The following FHL1 variants were observed in gnomAD, a reference collection of about 807,000 sequenced individuals.
FHL1 encodes the protein four and a half LIM domains protein 1.
In FHL1, 1 loss-of-function variant was observed where a neutral mutation model predicts 20.3. The ratio of observed to expected loss-of-function variants is 0.05; its 90% CI spans 0.02 to 0.23. The LOEUF (loss-of-function observed/expected upper bound fraction) is 0.23, where lower values mean the gene tolerates loss of function less well. FHL1 is among the 10% of genes least tolerant of loss of function. The probability of loss-of-function intolerance (pLI) is 1.00; values close to 1 mark genes in which losing one functional copy is unlikely to be tolerated. For synonymous variants in FHL1, 82 were observed against 88.9 expected, an observed-to-expected ratio of 0.92 and a Z score of 0.44; for missense variants, 177 against 234.0, an observed-to-expected ratio of 0.76 and a Z score of 1.59.
chrX:136,206,698 C>A, intron 2 of FHL1, 110 bp downstream of exon 2: 2 of 1,008,228 alleles, frequency 2.0e-6, no homozygotes, highest in Non-Finnish European at 2.8e-6. Context: ...ATCACTGCAG[C>A]CACCTTGAGG....
At chrX:136,174,615 G>A (rs2072954013) in intron 2 of FHL1, among the ~76,000 whole-genome samples, 1 of 111,933 alleles carries the variant, frequency 8.9e-6, no homozygotes, top group South Asian at 3.7e-4. Context: ...AAAGAGATAC[G>A]AACCAGGGTA....
At chrX:136,175,586 G>C (rs1358083329) in intron 2 of FHL1, among the ~76,000 whole-genome samples, 1 of 112,526 alleles carries the variant, frequency 8.9e-6, no homozygotes, top group Non-Finnish European at 1.9e-5. Context: ...GAAAAAAATA[G>C]TTCATTTATT....
rs370017771 is a variant in FHL1, at chrX:136,210,041, T to G, written c.*16T>G. 6 of 1,211,390 alleles carry G rather than the reference T, an allele frequency of 5.0e-6. No individual in the cohort carries two copies. Among genetic ancestry groups the G allele is most frequent in the Non-Finnish European group, 6.7e-6 (6 of 895,384 alleles). ...AAAGCTGTAAACTGACAGGGGCTCC[T>G]GTCCTGTAAAATGGCATTTGAATCT... On this transcript the variant is annotated 3_prime_UTR_variant, in exon 6 of 6. Coordinates refer to ENST00000370683, the MANE Select transcript of FHL1 (RefSeq NM_001159699.2).
chrX:136,200,495 G>A (rs2073681039), intron 1 of FHL1, among the ~76,000 whole-genome samples: 1 of 112,017 alleles, frequency 8.9e-6, no homozygotes, highest in African/African-American at 3.2e-5. Context: ...GGGTTGGTAT[G>A]GACAAAATAG....
intron 1 of FHL1, among the ~76,000 whole-genome samples, chrX:136,153,114 C>T (rs186741148): frequency 3.7e-4 from 41 of 111,573 alleles, no homozygotes; most frequent in Admixed American, 1.4e-3. Flanking sequence ...TTTTATAATA[C>T]GCGGCATCAA....
intron 1 of FHL1, among the ~76,000 whole-genome samples, chrX:136,162,993 G>A (rs1235532298): frequency 1.8e-5 from 2 of 112,334 alleles, no homozygotes; most frequent in African/African-American, 6.5e-5. Flanking sequence ...TAGTTCTCCA[G>A]CCTCCAGAGG....
upstream of FHL1, among the ~76,000 whole-genome samples, chrX:136,166,074 A>T (rs1280483489): frequency 8.9e-6 from 1 of 111,949 alleles, no homozygotes; most frequent in Non-Finnish European, 1.9e-5. Context: ...AATGTTGTCA[A>T]CGTAATTTAT....
At chrX:136,193,914 G>A (rs753045949), upstream of FHL1, among the ~76,000 whole-genome samples, 10 of 109,486 alleles carry the variant, frequency 9.1e-5, no homozygotes, top group Non-Finnish European at 1.9e-4. Context: ...CTAGCTTTCG[G>A]TCCTACTACT....
At chrX:136,156,364 C>T (rs766461180) in intron 1 of FHL1, among the ~76,000 whole-genome samples, 63 of 106,489 alleles carry the variant, frequency 5.9e-4, no homozygotes, top group Non-Finnish European at 1.1e-3. Context: ...CTCACTACAA[C>T]CTCTGCCTCC....
intron 1 of FHL1, among the ~76,000 whole-genome samples, chrX:136,149,843 C>T (rs993408252): frequency 9.0e-6 from 1 of 111,492 alleles, no homozygotes; most frequent in Admixed American, 9.6e-5. Flanking sequence ...TTTTTAGTCA[C>T]AAAGACCGAC....
chrX:136,188,387 C>G (rs1276325267), intron 2 of FHL1, among the ~76,000 whole-genome samples: 1 of 111,753 alleles, frequency 8.9e-6, no homozygotes, highest in Non-Finnish European at 1.9e-5. Context: ...CATCCCAGAG[C>G]TGTCCCTGCC....
intron 2 of FHL1, among the ~76,000 whole-genome samples, chrX:136,176,857 G>T (rs943892885): frequency 9.0e-6 from 1 of 110,649 alleles, no homozygotes; most frequent in Admixed American, 9.8e-5. Flanking sequence ...GATTTAGAAA[G>T]AATTCATTTT....
At chrX:136,148,614 C>T (rs2072176442) in intron 1 of FHL1, 1 of 111,522 alleles carries the variant, frequency 9.0e-6, no homozygotes, top group Admixed American at 9.5e-5. Flanking sequence ...TCTTCCTTTC[C>T]TCTCTGCTCT....
At chrX:136,204,371 C>T (rs920486592) in intron 1 of FHL1, among the ~76,000 whole-genome samples, 6 of 112,323 alleles carry the variant, frequency 5.3e-5, no homozygotes, top group Non-Finnish European at 9.4e-5. Flanking sequence ...CATATGCTGT[C>T]ACTGGGACAG....
chrX:136,203,697 C>CTG (rs2073771922), intron 1 of FHL1, among the ~76,000 whole-genome samples: 1 of 112,121 alleles, frequency 8.9e-6, no homozygotes, highest in Non-Finnish European at 1.9e-5. Context: ...TATCAAAGTA[C>CTG]TGAAAGTGTG....
At chrX:136,206,204 C>A in intron 1 of FHL1, 1 of 487,365 alleles carries the variant, frequency 2.1e-6, no homozygotes, top group South Asian at 2.9e-5. Flanking sequence ...TCTGGCCCCG[C>A]GGGGTGCTTT....
rs766221782 is a variant in FHL1 at position 136,179,367 on chromosome X, C to G, written c.-27+9387C>G. Among the ~76,000 whole-genome samples the G allele has an allele frequency of 4.5e-5, 5 of 111,952 alleles. No homozygotes were observed. The East Asian group carries it at 1.4e-3, about 31-fold the overall frequency. On this transcript the variant is annotated intron_variant, in intron 2 of 6. Transcript: ENST00000394153. ...ATTTTTAGCCTATCCCTTATGTTCCCAGCTCTGCCGTTTGAACTGTCAGTT... is the reference window on the plus strand; with the variant it reads ...ATTTTTAGCCTATCCCTTATGTTCCGAGCTCTGCCGTTTGAACTGTCAGTT...
At position 136,208,445 on chromosome X, in the gene FHL1, C is replaced by T. The variant is rs376922604; in HGVS notation, c.550-10C>T. On this transcript the variant is annotated splice_polypyrimidine_tract_variant and intron_variant, in intron 4 of 5. Coordinates refer to ENST00000370683, the MANE Select transcript of FHL1 (RefSeq NM_001159699.2). ...TGAATCTGAATCCGGTGCTACACTC[C>T]CTGGTCTAGGCCATCACATCTGGAG... The T allele has an allele frequency of 2.0e-5, 24 of 1,209,820 alleles. No homozygotes were observed. Among genetic ancestry groups the T allele is most frequent in the Non-Finnish European group, 2.7e-5 (24 of 894,793 alleles).
At chrX:136,167,268 C>T (rs979253391), upstream of FHL1, among the ~76,000 whole-genome samples, 2 of 111,509 alleles carry the variant, frequency 1.8e-5, no homozygotes, top group Non-Finnish European at 3.8e-5. Context: ...TGCAGTGGTG[C>T]GATCTCAGAT....
Sources: allele counts gnomAD v4.1 joint callset (sites outside exome capture counted in the v4.1 genomes callset), GRCh38; gene constraint gnomAD v4.1.1; transcripts MANE v1.5; gene names NCBI Gene and HGNC (gene_info 2026-07-23, HGNC 2026-07-21).